CRHBP: variants seen among roughly 807,000 people sequenced by gnomAD.
CRHBP encodes the protein corticotropin-releasing hormone-binding protein.
Under a neutral mutation model 34.9 loss-of-function variants are expected in CRHBP, and 19 were observed. The observed-to-expected ratio is 0.55, with a 90% confidence interval of 0.38 to 0.80. The LOEUF (loss-of-function observed/expected upper bound fraction) is 0.80. Ranked by LOEUF, CRHBP falls within the 30% of genes least tolerant of loss-of-function variation. CRHBP has a pLI of 0.00. For missense variants in CRHBP, 328 were observed against 409.2 expected, an observed-to-expected ratio of 0.80 and a Z score of 1.71; for synonymous variants, 154 against 153.4, an observed-to-expected ratio of 1.00 and a Z score of -0.03.
intron 6 of CRHBP, among the ~76,000 whole-genome samples, chr5:76,965,007 A>G (rs1745840420): frequency 6.6e-6 from 1 of 151,788 alleles, no homozygotes; most frequent in Admixed American, 6.6e-5. Context: ...AAAAGAAAAG[A>G]ATCAGGTAAA....
chr5:76,966,762 A>G (rs1745866042), intron 6 of CRHBP, among the ~76,000 whole-genome samples: 1 of 151,982 alleles, frequency 6.6e-6, no homozygotes, highest in South Asian at 2.1e-4. Context: ...TTTCTTTATC[A>G]TATTTCCATG....
chr5:76,957,828 T>C (rs190734116), intron 4 of CRHBP, among the ~76,000 whole-genome samples: 1 of 152,340 alleles, frequency 6.6e-6, no homozygotes, highest in East Asian at 1.9e-4. Context: ...CTGCTGTCTT[T>C]CATTTTTTTC....
chr5:76,957,435 G>T (rs1745699796), intron 4 of CRHBP, among the ~76,000 whole-genome samples: 1 of 152,144 alleles, frequency 6.6e-6, no homozygotes, highest in Non-Finnish European at 1.5e-5. Flanking sequence ...CACCCATGCT[G>T]GAGTGCAGTG....
rs951096384 is a variant in CRHBP at position 76,969,032 on chromosome 5, T to C, written c.*147T>C. 5.7e-5 allele frequency: 39 copies of C among 685,656 alleles called. No homozygotes were observed. The highest frequency in any genetic ancestry group is 4.2e-4 in the South Asian group (14 of 33,446). The allele number at this position is 685,656 out of a possible 1,614,324, so 42.5% of individuals were successfully genotyped here. A position where few individuals can be genotyped will look rare whatever the true frequency, so the allele number is the denominator to read the frequency against. On this transcript the variant is annotated 3_prime_UTR_variant, in exon 7 of 7. Transcript: ENST00000274368. ...GCACGCGCGCACACACACACACACA[T>C]ACACACACGCATTAATTTTTGTACT...
At chr5:76,980,271 A>G (rs984487219) in intron 3 of CRHBP, among the ~76,000 whole-genome samples, 6 of 151,472 alleles carry the variant, frequency 4.0e-5, no homozygotes, top group Non-Finnish European at 5.9e-5. Flanking sequence ...AAAAAAAAAA[A>G]AAAAAAGAAA....
At position 76,954,156 on chromosome 5, in the gene CRHBP, C is replaced by T. The variant is rs764174673; in HGVS notation, c.303C>T (p.Ser101=). Residue 101 remains serine (S), a synonymous_variant, in exon 3 of 7, where the codon TCC becomes TCT. Transcript: ENST00000274368. The part of the protein sequence containing the change: ...EFITIHYDQV[S]IDCQGGDFLK... ...TTACCATCCACTACGACCAGGTCTC[C>T]ATCGACTGTCAGGGCGGCGACTTCC... is the stretch of plus-strand genomic sequence containing the variant. 6.8e-6 allele frequency: 11 copies of T among 1,613,636 alleles called. No homozygotes were observed. The highest frequency in any genetic ancestry group is 1.3e-5 in the African/African-American group (1 of 74,912).
chr5:76,960,530 A>G (rs1241099935), intron 5 of CRHBP, among the ~76,000 whole-genome samples: 1 of 152,180 alleles, frequency 6.6e-6, no homozygotes, highest in African/African-American at 2.4e-5. Context: ...CTTCCATGCA[A>G]TGAATGGGCT....
downstream of CRHBP, among the ~76,000 whole-genome samples, chr5:76,973,226 G>T (rs528144786): frequency 6.6e-6 from 1 of 152,032 alleles, no homozygotes; most frequent in Non-Finnish European, 1.5e-5. Flanking sequence ...GTCTGTTTTC[G>T]TTGCAACTAT....
intron 4 of CRHBP, 172 bp from the exon 5 acceptor site, chr5:76,958,569 G>T: frequency 1.6e-6 from 1 of 629,338 alleles, no homozygotes; most frequent in Non-Finnish European, 2.6e-6. Context: ...GATGGTTTTT[G>T]TTCCCCAAAT....
intron 4 of CRHBP, among the ~76,000 whole-genome samples, chr5:76,956,498 G>A (rs1338679896): frequency 6.6e-6 from 1 of 152,212 alleles, no homozygotes; most frequent in African/African-American, 2.4e-5. Flanking sequence ...CACTTTGGGA[G>A]GCCAAGGCAG....
At chr5:76,976,937 C>T (rs1746042344) in intron 3 of CRHBP, among the ~76,000 whole-genome samples, 1 of 152,110 alleles carries the variant, frequency 6.6e-6, no homozygotes, top group Non-Finnish European at 1.5e-5. Context: ...ATTGGCAAAG[C>T]TAAGAAGATG....
At position 76,954,093 on chromosome 5, in the gene CRHBP, C is replaced by G; in HGVS notation, c.240C>G (p.His80Gln). Reference sequence around the variant, plus strand: ...TCACCGCCGACCGGCCGCAGCTGCACTGCGCAGCCTTCTTCATCAGCGAGC... The same window carrying G: ...TCACCGCCGACCGGCCGCAGCTGCAGTGCGCAGCCTTCTTCATCAGCGAGC... ...FTFTADRPQL[H>Q]CAAFFISEPE... is the part of the protein sequence containing the mutation. The change falls in exon 3 of 7, where the codon CAC (histidine) becomes CAG (glutamine). Residue 80 changes from histidine (H) to glutamine (Q), a missense_variant. His to Gln is a conservative substitution (Grantham distance 24). Transcript: ENST00000274368. 6.2e-7 allele frequency: 1 copy of G among 1,614,044 alleles called. No homozygotes were observed.
At chr5:76,968,323 G>A (rs1016203763) in intron 6 of CRHBP, among the ~76,000 whole-genome samples, 6 of 150,170 alleles carry the variant, frequency 4.0e-5, no homozygotes, top group Middle Eastern at 3.5e-3. Flanking sequence ...GCAAATTTCC[G>A]ACCTGTCCTT....
intron 5 of CRHBP, among the ~76,000 whole-genome samples, chr5:76,959,950 G>A (rs1374573271): frequency 6.6e-6 from 1 of 152,206 alleles, no homozygotes; most frequent in Non-Finnish European, 1.5e-5. Context: ...AGAGCCTACA[G>A]TGTTCTAGGC....
chr5:76,974,485 G>GT (rs1427505373), intron 2 of CRHBP, among the ~76,000 whole-genome samples: 1 of 117,680 alleles, frequency 8.5e-6, no homozygotes, highest in East Asian at 3.4e-4. Context: ...AACATTGCCA[G>GT]TTTGTCTGCA....
At chr5:76,976,945 A>G (rs994842738) in intron 3 of CRHBP, among the ~76,000 whole-genome samples, 2 of 152,132 alleles carry the variant, frequency 1.3e-5, no homozygotes, top group African/African-American at 4.8e-5. Flanking sequence ...AGCTAAGAAG[A>G]TGGTAGATCA....
At chr5:76,973,403 T>A (rs1332507631), downstream of CRHBP, among the ~76,000 whole-genome samples, 1 of 152,232 alleles carries the variant, frequency 6.6e-6, no homozygotes, top group Non-Finnish European at 1.5e-5. Context: ...TGACAGGAGC[T>A]AGAAATTGTT....
chr5:76,968,794 G>T lies in CRHBP; in HGVS notation c.878G>T (p.Arg293Leu), dbSNP rs78407170. Reference protein sequence around the residue: ...RMVSSGKHVNRVTFEYRQLEP... With the variant: ...RMVSSGKHVNLVTFEYRQLEP... Reference sequence around the variant, plus strand: ...GTCTCCAGTGGAAAACACGTAAATCGTGTGACTTTTGAGTATCGTCAGCTG... The same window carrying T: ...GTCTCCAGTGGAAAACACGTAAATCTTGTGACTTTTGAGTATCGTCAGCTG... The change falls in exon 7 of 7, where the codon CGT becomes CTT. Residue 293 changes from arginine to leucine, a missense_variant. Arg to Leu is a moderately radical substitution (Grantham distance 102). Coordinates refer to ENST00000274368, the MANE Select transcript of CRHBP (RefSeq NM_001882.4). 1 of 1,614,008 alleles carries T rather than the reference G, an allele frequency of 6.2e-7. No individual in the cohort carries two copies. Among genetic ancestry groups the T allele is most frequent in the Non-Finnish European group, 8.5e-7 (1 of 1,179,998 alleles).
chr5:76,978,144 T>TA (rs368841962), intron 3 of CRHBP, among the ~76,000 whole-genome samples: 205 of 151,764 alleles, frequency 1.4e-3, no homozygotes, highest in African/African-American at 4.5e-3. Context: ...CCATCTCCAT[T>TA]AAAAAAAAGG....
Sources: allele counts gnomAD v4.1 joint callset (sites outside exome capture counted in the v4.1 genomes callset), GRCh38; gene constraint gnomAD v4.1.1; transcripts MANE v1.5; gene names NCBI Gene and HGNC (gene_info 2026-07-23, HGNC 2026-07-21).